The following CEP97 variants were observed in gnomAD, a reference collection of about 807,000 sequenced individuals.
The protein encoded by CEP97 is centrosomal protein of 97 kDa.
CEP97 carries 43 observed loss-of-function variants against 73.1 expected under a neutral mutation model. That is an observed-to-expected ratio of 0.59 (90% confidence interval 0.46 to 0.76). The LOEUF is 0.76. CEP97 is among the 30% of genes least tolerant of loss of function. The pLI, the probability that CEP97 is intolerant of heterozygous loss-of-function variation, is 0.00. For missense variants in CEP97, 939 were observed against 1,014.0 expected, an observed-to-expected ratio of 0.93 and a Z score of 1.00; for synonymous variants, 337 against 370.0, an observed-to-expected ratio of 0.91 and a Z score of 1.02.
intron 6 of CEP97, among the ~76,000 whole-genome samples, chr3:101,751,686 T>C (rs1392767234): frequency 6.6e-6 from 1 of 152,216 alleles, no homozygotes; most frequent in East Asian, 1.9e-4. Context: ...TTTGTCTCTT[T>C]TGATCTTTGT....
rs200288843 is a variant in CEP97, at chr3:101,758,001, A to C, written c.1395A>C (p.Gln465His). ...PLWAANENSV[Q>H]MMRSEINTEV... ...GGGCTGCAAATGAGAATTCTGTTCA[A>C]ATGATGAGAAGTGAAATCAATACAG... The change falls in exon 9 of 11, where the codon CAA becomes CAC. Residue 465 changes from glutamine to histidine, a missense_variant. Transcript: ENST00000341893. 6.2e-7 allele frequency: 1 copy of C among 1,614,242 alleles called. No homozygotes were observed. The highest frequency in any genetic ancestry group is 8.5e-7 in the Non-Finnish European group (1 of 1,180,036).
At chr3:101,749,151 C>T (rs1264477805) in intron 6 of CEP97, among the ~76,000 whole-genome samples, 3 of 116,138 alleles carry the variant, frequency 2.6e-5, no homozygotes, top group Non-Finnish European at 3.5e-5. Flanking sequence ...CCCCTCCCCC[C>T]ACCCCACAAC....
At chr3:101,731,285 C>T (rs561732394) in intron 4 of CEP97, among the ~76,000 whole-genome samples, 4 of 150,208 alleles carry the variant, frequency 2.7e-5, no homozygotes, top group Admixed American at 1.3e-4. Flanking sequence ...ACTATAGCCT[C>T]GACCTCCTGG....
rs1939396048 is a variant in CEP97 at position 101,769,206 on chromosome 3, A to G, written c.*3655A>G. The G allele has an allele frequency of 6.6e-6, 1 of 152,192 alleles. No individual in the cohort carries two copies. Among genetic ancestry groups the G allele is most frequent in the Non-Finnish European group, 1.5e-5 (1 of 68,036 alleles). The allele number at this position is 152,192 out of a possible 1,614,324, so 9.4% of individuals were successfully genotyped here. On this transcript the variant is annotated 3_prime_UTR_variant, in exon 11 of 11. Transcript: ENST00000341893. Reference sequence around the variant, plus strand: ...GCAAAGTCTTAGAATTGGATTTATAACATTGATAATAAAAATATAAAACGT... The same window carrying G: ...GCAAAGTCTTAGAATTGGATTTATAGCATTGATAATAAAAATATAAAACGT...
Position 101,765,998 on chromosome 3 carries a change from G to A in CEP97, c.*447G>A, listed in dbSNP as rs1036727946. The A allele has an allele frequency of 1.3e-5, 2 of 152,280 alleles. No individual in the cohort carries two copies. The highest frequency in any genetic ancestry group is 4.8e-5 in the African/African-American group (2 of 41,456). 9.4% of individuals were successfully genotyped at this position (152,280 alleles called of 1,614,324 possible). A position where few individuals can be genotyped will look rare whatever the true frequency, so the allele number is the denominator to read the frequency against. ...TAAAGCAAATATAAATGAGAAATAT[G>A]AGGATTGTGAATTATTGAAATTTGC... On this transcript the variant is annotated 3_prime_UTR_variant, in exon 11 of 11. Transcript: ENST00000341893.
In CEP97 at chr3:101,769,402, T is replaced by A. The variant is rs1393195609; in HGVS notation, c.*3851T>A. The stretch of plus-strand genomic sequence containing the variant: ...GTCTCAGCTCACTGCAACCTCCACT[T>A]CCTGGGTACAAGCGATTCTCCTGCC... On this transcript the variant is annotated 3_prime_UTR_variant, in exon 11 of 11. Transcript: ENST00000341893. The A allele has an allele frequency of 6.6e-6, 1 of 151,780 alleles. No individual in the cohort carries two copies. Among genetic ancestry groups the A allele is most frequent in the Non-Finnish European group, 1.5e-5 (1 of 67,938 alleles). 9.4% of individuals were successfully genotyped at this position (151,780 alleles called of 1,614,324 possible). A position where few individuals can be genotyped will look rare whatever the true frequency, so the allele number is the denominator to read the frequency against.
chr3:101,743,343 A>T (rs974801319), intron 6 of CEP97, among the ~76,000 whole-genome samples: 9 of 150,168 alleles, frequency 6.0e-5, no homozygotes, highest in South Asian at 2.1e-4. Context: ...TAATTTAGAA[A>T]TTTTTTTTTT....
chr3:101,742,794 T>A (rs1271721087), intron 6 of CEP97, among the ~76,000 whole-genome samples: 1 of 151,228 alleles, frequency 6.6e-6, no homozygotes, highest in Non-Finnish European at 1.5e-5. Context: ...ATAGCAAATT[T>A]TTTTCCAGAC....
chr3:101,737,424 T>C (rs1305853923), intron 6 of CEP97, among the ~76,000 whole-genome samples: 1 of 151,766 alleles, frequency 6.6e-6, no homozygotes, highest in African/African-American at 2.4e-5. Flanking sequence ...AAGGAAAAAA[T>C]GTTAAGGGCA....
chr3:101,761,971 G>A (rs1040042678), intron 9 of CEP97, among the ~76,000 whole-genome samples: 1 of 152,184 alleles, frequency 6.6e-6, no homozygotes, highest in Non-Finnish European at 1.5e-5. Context: ...CAAGGAGTAG[G>A]TCGGAGACCT....
chr3:101,744,574 ACT>A (rs1382407732), intron 6 of CEP97, among the ~76,000 whole-genome samples: 2 of 149,370 alleles, frequency 1.3e-5, no homozygotes, highest in Non-Finnish European at 3.0e-5. Flanking sequence ...CAAGAGCAAA[ACT>A]CTGTCTCAAA....
chr3:101,725,905 T>C (rs1183400614), intron 1 of CEP97, among the ~76,000 whole-genome samples: 1 of 151,502 alleles, frequency 6.6e-6, no homozygotes, highest in East Asian at 1.9e-4. Context: ...TCTCATTTTC[T>C]CTGTAGAACT....
intron 6 of CEP97, among the ~76,000 whole-genome samples, chr3:101,754,867 A>G (rs1938959466): frequency 6.6e-6 from 1 of 150,726 alleles, no homozygotes; most frequent in Non-Finnish European, 1.5e-5. Context: ...TGTAAATTGG[A>G]TATGGATGTT....
At chr3:101,763,688 G>C (rs560193752) in intron 10 of CEP97, among the ~76,000 whole-genome samples, 2 of 152,166 alleles carry the variant, frequency 1.3e-5, no homozygotes, top group South Asian at 4.1e-4. Context: ...TAGAAATTAG[G>C]GGTCATATTA....
chr3:101,727,434 A>C lies in CEP97; in HGVS notation c.238A>C (p.Thr80Pro), dbSNP rs770738404. The change falls in exon 3 of 11, where the codon ACG (threonine) becomes CCG (proline). Residue 80 changes from threonine to proline, a missense_variant. Thr to Pro is a conservative substitution (Grantham distance 38). Transcript: ENST00000341893. ...TCGGATGATGGGTGTGGCCAAGCTG[A>C]CGTTGCTTCGTGTATTAAATTTGCC... The part of the protein sequence containing the change: ...LVRMMGVAKL[T>P]LLRVLNLPHN... 11 of 1,613,844 alleles carry C rather than the reference A, an allele frequency of 6.8e-6. No individual in the cohort carries two copies. Among genetic ancestry groups the C allele is most frequent in the Non-Finnish European group, 5.9e-6 (7 of 1,179,914 alleles).
At chr3:101,750,629 G>A (rs1205627408) in intron 6 of CEP97, among the ~76,000 whole-genome samples, 1 of 152,126 alleles carries the variant, frequency 6.6e-6, no homozygotes, top group Admixed American at 6.6e-5. Flanking sequence ...CTTCTTCCTG[G>A]TTTAGCCTTG....
At chr3:101,736,088 A>C (rs558659825) in intron 6 of CEP97, among the ~76,000 whole-genome samples, 1 of 152,334 alleles carries the variant, frequency 6.6e-6, no homozygotes, top group African/African-American at 2.4e-5. Context: ...CGCAAGTTCA[A>C]ACTGGGCAGA....
intron 1 of CEP97, 47 bp from the exon 2 acceptor site, chr3:101,726,547 A>G: frequency 1.4e-6 from 2 of 1,473,932 alleles, no homozygotes; most frequent in Non-Finnish European, 9.2e-7. Context: ...GCTGTTGTAC[A>G]TGTTTTATTT....
In CEP97 at chr3:101,726,574, C is replaced by A; in HGVS notation, c.44-20C>A. ...GTTTTATTTTATTTGTGTTTTCTAA[C>A]ATTTCCGTTTCTTTTCAAGGATCAG... On this transcript the variant is annotated intron_variant, in intron 1 of 10. Transcript: ENST00000341893. 6.5e-7 allele frequency: 1 copy of A among 1,550,124 alleles called. No homozygotes were observed. Among genetic ancestry groups the A allele is most frequent in the Non-Finnish European group, 8.7e-7 (1 of 1,152,582 alleles).
Sources: gnomAD v4.1 joint callset for allele counts (sites outside exome capture counted in the v4.1 genomes callset) on GRCh38, gnomAD v4.1.1 for gene constraint, MANE v1.5 for transcripts, NCBI Gene and HGNC (gene_info 2026-07-23, HGNC 2026-07-21) for gene names.